Variants in CACNB2 observed in about 807,000 individuals in gnomAD.
The protein encoded by CACNB2 is calcium voltage-gated channel auxiliary subunit beta 2, also known as voltage-dependent L-type calcium channel subunit beta-2.
CACNB2 carries 42 observed loss-of-function variants against 73.3 expected under a neutral mutation model. The observed-to-expected ratio is 0.57, with a 90% CI of 0.45 to 0.74. CACNB2 has a LOEUF of 0.74. CACNB2 is among the 30% of genes least tolerant of loss of function. The probability of loss-of-function intolerance (pLI) is 0.00; values close to 1 mark genes in which losing one functional copy is unlikely to be tolerated. For synonymous variants in CACNB2, 348 were observed against 310.3 expected (o/e 1.12, Z -1.28); for missense variants, 940 against 853.0 (o/e 1.10, Z -1.27).
intron 2 of CACNB2, among the ~76,000 whole-genome samples, chr10:18,374,738 T>A (rs111287026): frequency 6.6e-6 from 1 of 152,180 alleles, no homozygotes; most frequent in African/African-American, 2.4e-5. Flanking sequence ...AGAATCACAA[T>A]GTAGCACTAA....
chr10:18,400,826 C>T lies in CACNB2; in HGVS notation c.214-1098C>T. 7 of 1,448,098 alleles carry T rather than the reference C, an allele frequency of 4.8e-6. No individual in the cohort carries two copies. The South Asian group carries it at 8.8e-5, about 18-fold the overall frequency. The allele number at this position is 1,448,098 out of a possible 1,614,324, so 89.7% of individuals were successfully genotyped here. A position where few individuals can be genotyped will look rare whatever the true frequency, so the allele number is the denominator to read the frequency against. On this transcript the variant is annotated intron_variant, in intron 2 of 13. Transcript: ENST00000324631. ...AAGCACTCGAGTGTGTGTTTTCAGC[C>T]CCTCCTGGAATGGGAAAATAAGAAT...
intron 2 of CACNB2, among the ~76,000 whole-genome samples, chr10:18,355,518 T>G (rs1307079644): frequency 6.6e-6 from 1 of 152,180 alleles, no homozygotes; most frequent in Non-Finnish European, 1.5e-5. Context: ...CTTTATTTAA[T>G]TTTTTGATGC....
chr10:18,291,665 A>G (rs2039075420), intron 2 of CACNB2, among the ~76,000 whole-genome samples: 1 of 152,222 alleles, frequency 6.6e-6, no homozygotes, highest in Non-Finnish European at 1.5e-5. Flanking sequence ...AATATACTCC[A>G]TTGGATTTTC....
intron 2 of CACNB2, among the ~76,000 whole-genome samples, chr10:18,334,581 G>A (rs1416886091): frequency 1.3e-5 from 2 of 152,096 alleles, no homozygotes; most frequent in Non-Finnish European, 2.9e-5. Context: ...TCAGCACTAT[G>A]GACATATTGT....
intron 1 of CACNB2, among the ~76,000 whole-genome samples, chr10:18,149,671 T>C (rs1274590786): frequency 2.0e-5 from 3 of 152,308 alleles, no homozygotes; most frequent in East Asian, 3.9e-4. Flanking sequence ...CATAACCAAA[T>C]AGCATTTTGA....
At chr10:18,299,100 TAAAAAGAAAAAAATAAAATAA>T (rs2039402824) in intron 2 of CACNB2, among the ~76,000 whole-genome samples, 1 of 79,778 alleles carries the variant, frequency 1.3e-5, no homozygotes, top group African/African-American at 4.9e-5. Flanking sequence ...AAAGAAAAAA[TAAAAAGAAAAAAATAAAATAA>T]AAAAAGAAAA....
chr10:18,538,385 A>T lies in CACNB2; in HGVS notation c.1488+20A>T. On this transcript the variant is annotated intron_variant, in intron 13 of 13. Transcript: ENST00000324631. ...TCACAGGTAAGGGGAGTTTTTATAT[A>T]TATCTATATATACAATCTTCATAGA... 1 of 1,604,580 alleles carries T rather than the reference A, an allele frequency of 6.2e-7. No individual in the cohort carries two copies. The highest frequency in any genetic ancestry group is 8.5e-7 in the Non-Finnish European group (1 of 1,171,560).
chr10:18,279,362 C>A (rs945011067), intron 2 of CACNB2, among the ~76,000 whole-genome samples: 2 of 152,094 alleles, frequency 1.3e-5, no homozygotes, highest in African/African-American at 4.8e-5. Flanking sequence ...GCTGATGATT[C>A]GCACCAAGGG....
At chr10:18,170,738 A>G (rs185632003) in intron 2 of CACNB2, among the ~76,000 whole-genome samples, 135 of 152,368 alleles carry the variant, frequency 8.9e-4, no homozygotes, top group Middle Eastern at 3.4e-3. Flanking sequence ...TGCTAGAGGG[A>G]AAACAGTTAT....
chr10:18,295,979 A>G (rs2039262178), intron 2 of CACNB2, among the ~76,000 whole-genome samples: 1 of 149,082 alleles, frequency 6.7e-6, no homozygotes, highest in Non-Finnish European at 1.5e-5. Flanking sequence ...GTTGTCAAAA[A>G]TCACTATTCT....
intron 3 of CACNB2, among the ~76,000 whole-genome samples, chr10:18,444,193 G>T (rs1190565133): frequency 6.6e-6 from 1 of 152,126 alleles, no homozygotes; most frequent in Non-Finnish European, 1.5e-5. Context: ...GAGCTCATGA[G>T]GGTGGAGCCC....
At chr10:18,498,333 C>T (rs1457503217) in intron 3 of CACNB2, 22 bp from the exon 4 acceptor site, 2 of 1,613,666 alleles carry the variant, frequency 1.2e-6, no homozygotes, top group African/African-American at 2.7e-5. Context: ...TATTTTTTTC[C>T]CTCTTCCTTT....
intron 9 of CACNB2, among the ~76,000 whole-genome samples, chr10:18,523,943 T>G (rs902303105): frequency 6.6e-5 from 10 of 152,256 alleles, no homozygotes; most frequent in Admixed American, 5.2e-4. Flanking sequence ...GAAACCCACT[T>G]AAATTCATTT....
intron 2 of CACNB2, among the ~76,000 whole-genome samples, chr10:18,189,973 T>C (rs905861553): frequency 2.6e-5 from 4 of 152,208 alleles, no homozygotes; most frequent in Non-Finnish European, 5.9e-5. Context: ...TTCATAAGTA[T>C]GTACGGAAAG....
chr10:18,467,082 AG>A (rs1171173812), intron 3 of CACNB2, among the ~76,000 whole-genome samples: 4 of 152,158 alleles, frequency 2.6e-5, no homozygotes, highest in African/African-American at 9.7e-5. Flanking sequence ...TAAACTCAGG[AG>A]GCGGAAGTTG....
At chr10:18,318,689 G>C (rs2040285145) in intron 2 of CACNB2, among the ~76,000 whole-genome samples, 2 of 152,014 alleles carry the variant, frequency 1.3e-5, no homozygotes, top group Admixed American at 1.3e-4. Context: ...AGGAGAAAAT[G>C]TTTGCAATCT....
chr10:18,280,713 T>C (rs534371829), intron 2 of CACNB2, among the ~76,000 whole-genome samples: 2 of 152,346 alleles, frequency 1.3e-5, no homozygotes, highest in South Asian at 4.1e-4. Flanking sequence ...TTGACATGCA[T>C]AATCTTATTT....
chr10:18,241,176 T>C (rs1172739466), intron 2 of CACNB2, among the ~76,000 whole-genome samples: 2 of 152,176 alleles, frequency 1.3e-5, no homozygotes, highest in Non-Finnish European at 2.9e-5. Flanking sequence ...CTCCCTAAAA[T>C]GTGTAAAACC....
chr10:18,512,983 G>T (rs113800186), intron 6 of CACNB2: 1 of 215,626 alleles, frequency 4.6e-6, no homozygotes. Flanking sequence ...AGGTGTTGCA[G>T]TTTTCGCTGC....
Sources: gnomAD v4.1 joint callset for allele counts (sites outside exome capture counted in the v4.1 genomes callset) on GRCh38, gnomAD v4.1.1 for gene constraint, MANE v1.5 for transcripts, NCBI Gene and HGNC (gene_info 2026-07-23, HGNC 2026-07-21) for gene names.